The following STX6 variants were observed in gnomAD, a reference collection of about 807,000 sequenced individuals.
The protein encoded by STX6 is syntaxin 6.
A neutral mutation model predicts 38.0 loss-of-function variants in STX6; 23 were observed. That is an observed-to-expected ratio of 0.60 (90% CI 0.43 to 0.86). The LOEUF (loss-of-function observed/expected upper bound fraction) is 0.86. Ranked by LOEUF, STX6 falls within the 40% of genes least tolerant of loss-of-function variation. The probability of loss-of-function intolerance (pLI) is 0.00; values close to 1 mark genes in which losing one functional copy is unlikely to be tolerated. For synonymous variants in STX6, 123 were observed against 107.5 expected, an observed-to-expected ratio of 1.14 and a Z score of -0.89; for missense variants, 274 against 312.9, an observed-to-expected ratio of 0.88 and a Z score of 0.94.
chr1:181,002,185 A>ATT (rs112055963), intron 3 of STX6, among the ~76,000 whole-genome samples: 1 of 148,192 alleles, frequency 6.7e-6, no homozygotes, highest in African/African-American at 2.5e-5. Context: ...AATCACGGAA[A>ATT]TTTTTTTTTT....
chr1:181,003,263 T>G (rs1656133628), intron 2 of STX6, among the ~76,000 whole-genome samples: 2 of 152,190 alleles, frequency 1.3e-5, no homozygotes, highest in African/African-American at 4.8e-5. Context: ...TGTTATTACT[T>G]GATTACCATC....
chr1:180,996,694 TC>T (rs1323206135), intron 3 of STX6, among the ~76,000 whole-genome samples: 1 of 152,028 alleles, frequency 6.6e-6, no homozygotes, highest in East Asian at 1.9e-4. Flanking sequence ...CACCTCAGCC[TC>T]CCAAGTAGCT....
At chr1:181,013,372 G>T (rs369202930) in intron 1 of STX6, among the ~76,000 whole-genome samples, 2 of 152,180 alleles carry the variant, frequency 1.3e-5, no homozygotes, top group African/African-American at 4.8e-5. Flanking sequence ...AGGCTGGAGT[G>T]CAGTGGTGCA....
Position 180,990,125 on chromosome 1 carries a change from A to G in STX6, c.364-16T>C. ...CCAGCAGTGCCTGTGTGAGAAGAAC[A>G]ACCAGAGGAGTCAGGAGAAACAAAC... On this transcript the variant is annotated splice_polypyrimidine_tract_variant and intron_variant, in intron 4 of 7. Coordinates refer to ENST00000258301, the MANE Select transcript of STX6 (RefSeq NM_005819.6). 6.2e-7 allele frequency: 1 copy of G among 1,614,054 alleles called. No homozygotes were observed. Among genetic ancestry groups the G allele is most frequent in the Non-Finnish European group, 8.5e-7 (1 of 1,179,978 alleles).
intron 1 of STX6, among the ~76,000 whole-genome samples, chr1:181,011,822 C>T (rs1277388300): frequency 1.3e-5 from 2 of 152,238 alleles, no homozygotes; most frequent in Non-Finnish European, 2.9e-5. Context: ...TTCTACACAA[C>T]TAGCCCGTGT....
intron 6 of STX6, among the ~76,000 whole-genome samples, chr1:180,985,950 T>G (rs1655568914): frequency 6.6e-6 from 1 of 152,344 alleles, no homozygotes; most frequent in African/African-American, 2.4e-5. Flanking sequence ...TGTTGACAAC[T>G]AAAATAAGTC....
chr1:180,984,777 G>A lies in STX6; in HGVS notation c.597-6C>T. ...GAGAGAAATCTTCCAACATACTAGA[G>A]AGAAGCAGACACAGAAGGTCGCTGG... On this transcript the variant is annotated splice_region_variant and splice_polypyrimidine_tract_variant and intron_variant, in intron 6 of 7. Transcript: ENST00000258301. 6.9e-7 allele frequency: 1 copy of A among 1,457,438 alleles called. No homozygotes were observed. The highest frequency in any genetic ancestry group is 9.6e-7 in the Non-Finnish European group (1 of 1,038,154). 90.3% of individuals were successfully genotyped at this position (1,457,438 alleles called of 1,614,324 possible).
intron 1 of STX6, 93 bp downstream of exon 1, chr1:181,022,546 G>GC: frequency 7.6e-7 from 1 of 1,314,760 alleles, no homozygotes; most frequent in Non-Finnish European, 1.1e-6. Flanking sequence ...GCTCCAACTT[G>GC]CCTCCCCTCC....
At position 180,972,776 on chromosome 1, in the gene STX6, T is replaced by C. The variant is rs2102294155; in HGVS notation, c.*3794A>G. 2.7e-6 allele frequency: 1 copy of C among 372,812 alleles called. No individual in the cohort carries two copies. The highest frequency in any genetic ancestry group is 2.1e-5 in the African/African-American group (1 of 47,340). 23.1% of individuals were successfully genotyped at this position (372,812 alleles called of 1,614,324 possible). ...TTTCCGGAGACTTTTGTACATACTG[T>C]TGTCCTGAGTAACAGTATCTCTAAG... is the stretch of plus-strand genomic sequence containing the variant. On this transcript the variant is annotated 3_prime_UTR_variant, in exon 8 of 8. Coordinates refer to ENST00000258301, the MANE Select transcript of STX6 (RefSeq NM_005819.6).
chr1:180,988,095 T>C, intron 6 of STX6, 144 bp downstream of exon 6: 1 of 559,888 alleles, frequency 1.8e-6, no homozygotes, highest in Non-Finnish European at 3.2e-6. Context: ...GGGAGGCTAA[T>C]CTGTAAAACA....
chr1:181,019,255 C>T (rs3845421), intron 1 of STX6, among the ~76,000 whole-genome samples: 58,481 of 151,538 alleles, frequency 0.39, 11,969 homozygotes, highest in African/African-American at 0.52. Flanking sequence ...GGTGTTCTCA[C>T]CCATGAGGCA....
intron 4 of STX6, among the ~76,000 whole-genome samples, chr1:180,992,895 G>A (rs1301150427): frequency 1.3e-5 from 2 of 152,090 alleles, no homozygotes; most frequent in African/African-American, 4.8e-5. Context: ...TCCATGGGTA[G>A]GCAATGTAGT....
At position 180,976,413 on chromosome 1, in the gene STX6, G is replaced by A. The variant is rs1235109737; in HGVS notation, c.*157C>T. ...CTGGCCCTTCCAGCGCTGGGATGGAGGAGCCATGTCAATTGTGGGGTCACA... is the reference window on the plus strand; with the variant it reads ...CTGGCCCTTCCAGCGCTGGGATGGAAGAGCCATGTCAATTGTGGGGTCACA... On this transcript the variant is annotated 3_prime_UTR_variant, in exon 8 of 8. Transcript: ENST00000258301. 4.4e-6 allele frequency: 3 copies of A among 678,152 alleles called. No homozygotes were observed. The highest frequency in any genetic ancestry group is 7.8e-6 in the Non-Finnish European group (3 of 383,050). The allele number at this position is 678,152 out of a possible 1,614,324, so 42.0% of individuals were successfully genotyped here.
intron 7 of STX6, among the ~76,000 whole-genome samples, chr1:180,981,247 TAGTC>T (rs1289026412): frequency 5.3e-5 from 8 of 152,168 alleles, no homozygotes; most frequent in African/African-American, 1.9e-4. Context: ...TTGATGTCAA[TAGTC>T]AGGGAAGTTA....
rs1049872483 is a variant in STX6, at chr1:181,022,688, G to C, written c.-15C>G. 8.7e-6 allele frequency: 14 copies of C among 1,605,136 alleles called. No homozygotes were observed. In the East Asian group the frequency reaches 2.7e-4, roughly 31 times the overall value. ...TCCATGGACATGGCGTCCCGGCCCC[G>C]GCCGCCTTCACCTCCTCCGCGCACA... On this transcript the variant is annotated 5_prime_UTR_variant, in exon 1 of 8. Coordinates refer to ENST00000258301, the MANE Select transcript of STX6 (RefSeq NM_005819.6).
chr1:181,018,649 G>A (rs114677278), intron 1 of STX6, among the ~76,000 whole-genome samples: 17 of 152,012 alleles, frequency 1.1e-4, no homozygotes, highest in Middle Eastern at 3.4e-3. Flanking sequence ...ATTCTGTTCC[G>A]AACAGGACAT....
chr1:180,988,291 C>A lies in STX6; in HGVS notation c.544G>T (p.Val182Leu). The A allele has an allele frequency of 6.2e-7, 1 of 1,614,060 alleles. No individual in the cohort carries two copies. Among genetic ancestry groups the A allele is most frequent in the Non-Finnish European group, 8.5e-7 (1 of 1,179,964 alleles). Residue 182 changes from valine (V) to leucine (L), a missense_variant, in exon 6 of 8, where the codon GTG (valine) becomes TTG (leucine). Physicochemically the swap from Val to Leu is conservative, Grantham distance 32 (BLOSUM62 1). Transcript: ENST00000258301. ...ATGCGCTGGGACATGTTCTTCAGCA[C>A]CCCGATGCTGCCAGAGACCAGCTCC... ...QLELVSGSIGVLKNMSQRIGG... is the reference protein window; with the variant it reads ...QLELVSGSIGLLKNMSQRIGG...
At chr1:180,996,319 T>A (rs760236630) in intron 3 of STX6, among the ~76,000 whole-genome samples, 1 of 151,412 alleles carries the variant, frequency 6.6e-6, no homozygotes, top group Non-Finnish European at 1.5e-5. Flanking sequence ...CAGTATTATA[T>A]ACTAGGCATT....
rs1030023088 is a variant in STX6, at chr1:180,993,387, T to C, written c.339A>G (p.Ala113=). The C allele has an allele frequency of 2.7e-5, 43 of 1,596,590 alleles. No homozygotes were observed. The highest frequency in any genetic ancestry group is 1.7e-4 in the Middle Eastern group (1 of 6,040). The change falls in exon 4 of 8, where the codon GCA becomes GCG. Residue 113 remains alanine (A), a synonymous_variant. Transcript: ENST00000258301. ...KDQMSTSSVQ[A]LAERKNRQAL... ...CCTGTCTATTTTTTCTTTCAGCTAA[T>C]GCCTGCACAGATGAAGTTGACATCT... is the stretch of plus-strand genomic sequence containing the variant.
Sources: allele counts gnomAD v4.1 joint callset (sites outside exome capture counted in the v4.1 genomes callset), GRCh38; gene constraint gnomAD v4.1.1; transcripts MANE v1.5; gene names NCBI Gene and HGNC (gene_info 2026-07-23, HGNC 2026-07-21).